DSCAM: variants seen among roughly 807,000 people sequenced by gnomAD.
The protein encoded by DSCAM is DS cell adhesion molecule.
DSCAM carries 47 observed loss-of-function variants against 217.7 expected under a neutral mutation model. The observed-to-expected ratio is 0.22, with a 90% confidence interval of 0.17 to 0.28. The LOEUF (loss-of-function observed/expected upper bound fraction) is 0.28, where lower values mean the gene tolerates loss of function less well. DSCAM is among the 10% of genes least tolerant of loss of function. The probability of loss-of-function intolerance (pLI) is 1.00; values close to 1 mark genes in which losing one functional copy is unlikely to be tolerated. For missense variants in DSCAM, 2,080 were observed against 2,618.3 expected (o/e 0.79, Z 4.49); for synonymous variants, 1,056 against 1,015.3 (o/e 1.04, Z -0.76).
At chr21:40,362,481 G>A (rs1303448943) in intron 4 of DSCAM, among the ~76,000 whole-genome samples, 1 of 152,148 alleles carries the variant, frequency 6.6e-6, no homozygotes, top group Non-Finnish European at 1.5e-5. Context: ...TCCACAAAAT[G>A]TATGGTTTTC....
At chr21:40,056,401 G>A (rs116215867) in intron 28 of DSCAM, among the ~76,000 whole-genome samples, 5,245 of 152,016 alleles carry the variant, frequency 0.035, 150 homozygotes, top group African/African-American at 0.073. Context: ...ATTTTAGAAT[G>A]GAAAAAAAGC....
At chr21:40,166,267 G>A (rs935627458) in intron 16 of DSCAM, among the ~76,000 whole-genome samples, 31 of 152,046 alleles carry the variant, frequency 2.0e-4, no homozygotes, top group Non-Finnish European at 3.5e-4. Context: ...TCCCAGTGAC[G>A]CCACAGAAAA....
At chr21:40,697,891 T>C (rs2090612264) in intron 2 of DSCAM, among the ~76,000 whole-genome samples, 1 of 152,200 alleles carries the variant, frequency 6.6e-6, no homozygotes, top group Non-Finnish European at 1.5e-5. Context: ...TTGGTAGGGA[T>C]GGCCTTGAAT....
At chr21:40,574,802 G>C (rs914317630) in intron 3 of DSCAM, among the ~76,000 whole-genome samples, 1 of 150,948 alleles carries the variant, frequency 6.6e-6, no homozygotes, top group African/African-American at 2.4e-5. Context: ...CCACTTCCTG[G>C]GTTCAAGGGA....
intron 3 of DSCAM, among the ~76,000 whole-genome samples, chr21:40,607,318 T>C (rs551935037): frequency 6.6e-6 from 1 of 151,958 alleles, no homozygotes; most frequent in East Asian, 1.9e-4. Flanking sequence ...AAAGGAATTC[T>C]ACAAAGAACA....
chr21:40,762,411 GGAA>G (rs998099692), intron 1 of DSCAM, among the ~76,000 whole-genome samples: 3 of 152,136 alleles, frequency 2.0e-5, no homozygotes, highest in Admixed American at 6.5e-5. Flanking sequence ...GACTAAACAA[GGAA>G]GAAGATGAAT....
chr21:40,671,503 C>CCCA (rs1304666245), intron 3 of DSCAM, among the ~76,000 whole-genome samples: 1 of 151,522 alleles, frequency 6.6e-6, no homozygotes, highest in East Asian at 1.9e-4. Context: ...GTGAAACTCC[C>CCCA]CCCCCGCACC....
chr21:40,331,913 CCTGT>C (rs1408992921), intron 8 of DSCAM, among the ~76,000 whole-genome samples: 2 of 152,064 alleles, frequency 1.3e-5, no homozygotes, highest in East Asian at 3.9e-4. Flanking sequence ...AGTTTGCTTT[CCTGT>C]CTATTTTTTT....
In DSCAM at chr21:40,212,481, A is replaced by T. The variant is rs148256626; in HGVS notation, c.2357-23243T>A. The stretch of plus-strand genomic sequence containing the variant: ...GCAGTCTAGTTGTCGCTTGGACAGT[A>T]CATCCTTTCCCAGTAACGAGATGAC... On this transcript the variant is annotated intron_variant, in intron 11 of 32. Transcript: ENST00000400454. 8.6e-4 allele frequency: 133 copies of T among 154,306 alleles called. 1 individual carries two copies. The highest frequency in any genetic ancestry group is 3.0e-3 in the African/African-American group (124 of 41,636). 9.6% of individuals were successfully genotyped at this position (154,306 alleles called of 1,614,324 possible).
chr21:40,134,452 T>C (rs773889428), intron 18 of DSCAM, among the ~76,000 whole-genome samples: 7 of 152,206 alleles, frequency 4.6e-5, no homozygotes, highest in African/African-American at 7.2e-5. Flanking sequence ...AGGGGTTTTA[T>C]TGTTATTTTA....
At chr21:40,211,026 C>T (rs1204524622) in intron 11 of DSCAM, among the ~76,000 whole-genome samples, 2 of 152,246 alleles carry the variant, frequency 1.3e-5, no homozygotes, top group African/African-American at 4.8e-5. Context: ...TTGCACCTGG[C>T]CCCATCCTAC....
intron 3 of DSCAM, chr21:40,385,248 T>C (rs551748239): frequency 1.9e-4 from 29 of 152,324 alleles, no homozygotes; most frequent in African/African-American, 5.8e-4. Flanking sequence ...GATCTCTCTA[T>C]GTTGATATAA....
intron 17 of DSCAM, among the ~76,000 whole-genome samples, chr21:40,143,474 G>C (rs924966883): frequency 9.2e-5 from 14 of 152,346 alleles, no homozygotes; most frequent in African/African-American, 3.4e-4. Context: ...TATTACAGGT[G>C]CAAGTCCTAT....
At chr21:40,118,632 A>G (rs2089999611) in intron 20 of DSCAM, among the ~76,000 whole-genome samples, 1 of 152,198 alleles carries the variant, frequency 6.6e-6, no homozygotes, top group African/African-American at 2.4e-5. Flanking sequence ...CTCTTGTGAC[A>G]TGATGTCACT....
intron 15 of DSCAM, among the ~76,000 whole-genome samples, chr21:40,176,847 A>G (rs1001648971): frequency 1.4e-4 from 22 of 152,230 alleles, no homozygotes; most frequent in Non-Finnish European, 2.9e-4. Flanking sequence ...AGCACCCCAG[A>G]GGCTCTTCAC....
intron 11 of DSCAM, among the ~76,000 whole-genome samples, chr21:40,199,807 A>G (rs2091051447): frequency 6.6e-6 from 1 of 152,148 alleles, no homozygotes. Context: ...GAGCATTAGG[A>G]CAAATATCTA....
At chr21:40,109,682 G>C in intron 20 of DSCAM, among the ~76,000 whole-genome samples, 1 of 152,228 alleles carries the variant, frequency 6.6e-6, no homozygotes, top group South Asian at 2.1e-4. Context: ...AGAAAGGGGT[G>C]ACAGACGGCA....
At chr21:40,164,932 C>A (rs143100887) in intron 16 of DSCAM, among the ~76,000 whole-genome samples, 1 of 152,212 alleles carries the variant, frequency 6.6e-6, no homozygotes, top group African/African-American at 2.4e-5. Flanking sequence ...TCCAGTGTTA[C>A]AGAAAGGCCA....
intron 9 of DSCAM, among the ~76,000 whole-genome samples, chr21:40,307,303 A>T (rs1199062238): frequency 6.6e-6 from 1 of 152,184 alleles, no homozygotes; most frequent in East Asian, 1.9e-4. Flanking sequence ...AAAAGAAGAC[A>T]TTTATGCAGC....
Sources: allele counts gnomAD v4.1 joint callset (sites outside exome capture counted in the v4.1 genomes callset), GRCh38; gene constraint gnomAD v4.1.1; transcripts MANE v1.5; gene names NCBI Gene and HGNC (gene_info 2026-07-23, HGNC 2026-07-21).